The following NKAIN3 variants were observed in gnomAD, a reference collection of about 807,000 sequenced individuals.
NKAIN3 encodes sodium/potassium-transporting ATPase subunit beta-1-interacting protein 3.
A neutral mutation model predicts 30.2 loss-of-function variants in NKAIN3; 25 were observed. The observed-to-expected ratio is 0.83, with a 90% CI of 0.60 to 1.16. The LOEUF is 1.16. Ranked by LOEUF, NKAIN3 falls within the 50% of genes most tolerant of loss-of-function variation. The pLI is 0.00. For missense variants in NKAIN3, 225 were observed against 254.1 expected, an observed-to-expected ratio of 0.89 and a Z score of 0.78; for synonymous variants, 91 against 89.6, an observed-to-expected ratio of 1.02 and a Z score of -0.09.
chr8:62,878,040 C>CAAAAAAAAAAAAAAAA (rs34421488), intron 4 of NKAIN3, among the ~76,000 whole-genome samples: 1 of 113,738 alleles, frequency 8.8e-6, no homozygotes, highest in Non-Finnish European at 1.7e-5. Flanking sequence ...AACTCCATCT[C>CAAAAAAAAAAAAAAAA]AAAAAAAAAA....
At chr8:62,421,901 G>C (rs1288493368) in intron 1 of NKAIN3, among the ~76,000 whole-genome samples, 1 of 152,014 alleles carries the variant, frequency 6.6e-6, no homozygotes, top group Non-Finnish European at 1.5e-5. Context: ...GTCAGTATGT[G>C]GTGGGAAGCT....
At chr8:62,501,557 A>G (rs986851032) in intron 1 of NKAIN3, among the ~76,000 whole-genome samples, 4 of 152,040 alleles carry the variant, frequency 2.6e-5, no homozygotes, top group Admixed American at 6.6e-5. Context: ...TGTTCCTCCT[A>G]TGGAGTCAAA....
At chr8:62,476,803 T>C (rs1806534522) in intron 1 of NKAIN3, among the ~76,000 whole-genome samples, 1 of 152,154 alleles carries the variant, frequency 6.6e-6, no homozygotes, top group African/African-American at 2.4e-5. Flanking sequence ...TACAGCTTTT[T>C]TGAGTAACTT....
intron 1 of NKAIN3, among the ~76,000 whole-genome samples, chr8:62,445,187 G>A (rs571585550): frequency 9.2e-4 from 140 of 151,896 alleles, no homozygotes; most frequent in African/African-American, 2.7e-3. Context: ...CTTGTGATCC[G>A]CGCACCTCAG....
chr8:62,256,514 C>T (rs566489477), intron 1 of NKAIN3, among the ~76,000 whole-genome samples: 1 of 152,324 alleles, frequency 6.6e-6, no homozygotes, highest in African/African-American at 2.4e-5. Context: ...TGGAATCATC[C>T]TAACAGGCTC....
chr8:62,518,532 G>C (rs184023477), intron 1 of NKAIN3, among the ~76,000 whole-genome samples: 1 of 152,000 alleles, frequency 6.6e-6, no homozygotes, highest in East Asian at 1.9e-4. Flanking sequence ...CATGTGAACC[G>C]TTTCCGTGGT....
chr8:62,337,396 T>C (rs1400651213), intron 1 of NKAIN3, among the ~76,000 whole-genome samples: 1 of 151,890 alleles, frequency 6.6e-6, no homozygotes, highest in Non-Finnish European at 1.5e-5. Context: ...TACATTATAA[T>C]TGGAAACAGA....
chr8:62,531,634 A>G (rs1170511260), intron 1 of NKAIN3, among the ~76,000 whole-genome samples: 1 of 152,172 alleles, frequency 6.6e-6, no homozygotes, highest in Non-Finnish European at 1.5e-5. Context: ...TTGCATCCCC[A>G]GCCGACTGTC....
chr8:62,705,878 G>T (rs1479952210), intron 3 of NKAIN3, among the ~76,000 whole-genome samples: 2 of 152,056 alleles, frequency 1.3e-5, no homozygotes, highest in African/African-American at 4.8e-5. Flanking sequence ...TAGATATTTT[G>T]TTGTTTGTTT....
chr8:62,736,606 C>T, intron 3 of NKAIN3, among the ~76,000 whole-genome samples: 1 of 152,154 alleles, frequency 6.6e-6, no homozygotes, highest in Non-Finnish European at 1.5e-5. Context: ...CCCCAGGCTA[C>T]CAGCTTCCTC....
At chr8:62,552,124 C>A (rs1186164603) in intron 1 of NKAIN3, among the ~76,000 whole-genome samples, 2 of 152,154 alleles carry the variant, frequency 1.3e-5, no homozygotes, top group African/African-American at 4.8e-5. Flanking sequence ...ACAGTGAAGA[C>A]CTCACTGATT....
At chr8:62,870,281 A>ATATCTATAG (rs1586292215) in intron 4 of NKAIN3, among the ~76,000 whole-genome samples, 1 of 34,988 alleles carries the variant, frequency 2.9e-5, no homozygotes, top group East Asian at 3.7e-4. Context: ...GATATATATA[A>ATATCTATAG]ATATCTATAG....
At chr8:62,489,243 T>C (rs1207621307) in intron 1 of NKAIN3, among the ~76,000 whole-genome samples, 1 of 151,400 alleles carries the variant, frequency 6.6e-6, no homozygotes, top group Non-Finnish European at 1.5e-5. Context: ...GCCAGGATGG[T>C]CTCGATCTCC....
At chr8:62,855,518 G>C in intron 4 of NKAIN3, 1 of 1,429,600 alleles carries the variant, frequency 7.0e-7, no homozygotes, top group Non-Finnish European at 9.9e-7. Context: ...ATTGTAATCT[G>C]GTGGGTAAAC....
intron 1 of NKAIN3, among the ~76,000 whole-genome samples, chr8:62,561,190 T>C (rs1198200184): frequency 6.6e-6 from 1 of 152,126 alleles, no homozygotes; most frequent in Non-Finnish European, 1.5e-5. Flanking sequence ...ATGTGAGTTA[T>C]ATGCAGCAAA....
intron 3 of NKAIN3, among the ~76,000 whole-genome samples, chr8:62,705,721 C>T (rs537588530): frequency 2.6e-5 from 4 of 152,048 alleles, no homozygotes; most frequent in Middle Eastern, 3.4e-3. Flanking sequence ...TTGAATTTTT[C>T]GCTTGTGCAC....
At chr8:62,652,203 G>A (rs1357862428) in intron 3 of NKAIN3, among the ~76,000 whole-genome samples, 1 of 151,956 alleles carries the variant, frequency 6.6e-6, no homozygotes, top group Admixed American at 6.6e-5. Context: ...ATTTTGAGAG[G>A]GCTTAAACTT....
At chr8:62,520,447 A>G (rs1808120724) in intron 1 of NKAIN3, among the ~76,000 whole-genome samples, 1 of 152,106 alleles carries the variant, frequency 6.6e-6, no homozygotes, top group Non-Finnish European at 1.5e-5. Flanking sequence ...GGTAATCAAT[A>G]AAAAAAGATT....
chr8:62,440,603 C>T (rs1805293504), intron 1 of NKAIN3, among the ~76,000 whole-genome samples: 1 of 152,114 alleles, frequency 6.6e-6, no homozygotes, highest in South Asian at 2.1e-4. Context: ...TGTTGATTCT[C>T]AAGTTTTTGT....
Sources: gnomAD v4.1 joint callset for allele counts (sites outside exome capture counted in the v4.1 genomes callset) on GRCh38, gnomAD v4.1.1 for gene constraint, MANE v1.5 for transcripts, NCBI Gene and HGNC (gene_info 2026-07-23, HGNC 2026-07-21) for gene names.